The following C11orf65 variants were observed in gnomAD, a reference collection of about 807,000 sequenced individuals.
C11orf65 encodes chromosome 11 open reading frame 65.
In C11orf65, 38 loss-of-function variants were observed where a neutral mutation model predicts 35.3. The ratio of observed to expected loss-of-function variants is 1.08; its 90% confidence interval spans 0.83 to 1.41. The LOEUF (loss-of-function observed/expected upper bound fraction) is 1.41, where lower values mean the gene tolerates loss of function less well. Among genes scored for constraint, C11orf65 ranks in the 40% most tolerant of loss-of-function variants. C11orf65 has a pLI of 0.00. For synonymous variants in C11orf65, 105 were observed against 114.4 expected, an observed-to-expected ratio of 0.92 and a Z score of 0.53; for missense variants, 370 against 367.1, an observed-to-expected ratio of 1.01 and a Z score of -0.06.
chr11:108,315,863 A>T lies in C11orf65; in HGVS notation c.641-6792T>A, dbSNP rs587781302. 6.2e-7 allele frequency: 1 copy of T among 1,613,578 alleles called. No homozygotes were observed. Among genetic ancestry groups the T allele is most frequent in the African/African-American group, 1.3e-5 (1 of 75,032 alleles). The stretch of plus-strand genomic sequence containing the variant: ...ATCTACAGAAGTATAGGGGAGCCAG[A>T]TAGTTTGTATGGCTGTGGTGGAGGG... On this transcript the variant is annotated intron_variant, in intron 6 of 6. Transcript: ENST00000525729.
chr11:108,438,395 T>C (rs887636552), intron 2 of C11orf65, among the ~76,000 whole-genome samples: 5 of 150,996 alleles, frequency 3.3e-5, no homozygotes, highest in African/African-American at 1.2e-4. Flanking sequence ...CCACTAAAAA[T>C]ACAAAAATTA....
At chr11:108,405,148 G>A (rs1426793995) in intron 6 of C11orf65, among the ~76,000 whole-genome samples, 2 of 152,140 alleles carry the variant, frequency 1.3e-5, no homozygotes, top group Non-Finnish European at 2.9e-5. Context: ...TCAAACTTTT[G>A]TTAACTAATC....
chr11:108,338,923 T>C (rs1441307328), intron 2 of C11orf65, among the ~76,000 whole-genome samples: 2 of 152,072 alleles, frequency 1.3e-5, no homozygotes. Flanking sequence ...ATCTGTAGAG[T>C]CATTCCCAAT....
In C11orf65 at chr11:108,312,403, A is replaced by G. The variant is rs1176654682; in HGVS notation, c.641-3332T>C. 2.5e-6 allele frequency: 4 copies of G among 1,570,438 alleles called. No homozygotes were observed. Among genetic ancestry groups the G allele is most frequent in the East Asian group, 4.5e-5 (2 of 44,522 alleles). ...TCTCATTAAAAGAGGTGTTCTTGTG[A>G]CAAACAGAAGTCTTGCATTTGAAGA... On this transcript the variant is annotated intron_variant, in intron 6 of 6. Transcript: ENST00000525729.
At chr11:108,429,844 C>G (rs942202920) in intron 3 of C11orf65, among the ~76,000 whole-genome samples, 1 of 152,136 alleles carries the variant, frequency 6.6e-6, no homozygotes, top group African/African-American at 2.4e-5. Context: ...TAAACTATTA[C>G]ATGGGTGAAT....
intron 2 of C11orf65, chr11:108,366,535 C>T (rs2091341184): frequency 1.3e-5 from 3 of 228,586 alleles, no homozygotes. Flanking sequence ...CCAGTTTTGT[C>T]TTTTTGAAAA....
chr11:108,428,966 G>A (rs1376560475), intron 3 of C11orf65, among the ~76,000 whole-genome samples: 2 of 152,022 alleles, frequency 1.3e-5, no homozygotes, highest in Non-Finnish European at 1.5e-5. Context: ...GCGTAACCTA[G>A]GGAGATCCCA....
chr11:108,413,391 G>A (rs1472980850), intron 3 of C11orf65, among the ~76,000 whole-genome samples: 3 of 151,886 alleles, frequency 2.0e-5, no homozygotes, highest in Admixed American at 6.6e-5. Flanking sequence ...CACTCTCTAC[G>A]TTCATGTGTA....
chr11:108,324,318 C>T (rs1591122991), intron 6 of C11orf65, among the ~76,000 whole-genome samples: 2 of 152,226 alleles, frequency 1.3e-5, no homozygotes, highest in African/African-American at 2.4e-5. Flanking sequence ...AACCAATTTT[C>T]TGCAGATACA....
At chr11:108,374,935 G>T (rs1409233395) in intron 2 of C11orf65, among the ~76,000 whole-genome samples, 1 of 152,142 alleles carries the variant, frequency 6.6e-6, no homozygotes, top group Non-Finnish European at 1.5e-5. Context: ...GAAGTTTAGA[G>T]AAAAAAGAAT....
At chr11:108,402,546 G>A (rs1392072700) in intron 6 of C11orf65, among the ~76,000 whole-genome samples, 1 of 135,062 alleles carries the variant, frequency 7.4e-6, no homozygotes, top group Admixed American at 8.0e-5. Flanking sequence ...CTGATTTTCT[G>A]CACAGGTTTT....
At chr11:108,385,050 G>A (rs2091957297) in intron 8 of C11orf65, among the ~76,000 whole-genome samples, 1 of 152,116 alleles carries the variant, frequency 6.6e-6, no homozygotes, top group Non-Finnish European at 1.5e-5. Flanking sequence ...ATTTTGCCAA[G>A]TGAAGTCTGC....
At position 108,354,496 on chromosome 11, in the gene C11orf65, T is replaced by C. The variant is rs56135055; in HGVS notation, c.227-19204A>G. ...TGTACTCAACTTGGATTGGGGCAGA[T>C]TGCAGTCAGTGTAAACTAATAATTG... On this transcript the variant is annotated intron_variant, in intron 2 of 3. Coordinates refer to the C11orf65 transcript ENST00000524755. 8.7e-3 allele frequency among the ~76,000 whole-genome samples: 1,322 copies of C among 152,344 alleles called. 19 individuals are homozygous for C. Among genetic ancestry groups the C allele is most frequent in the African/African-American group, 0.03 (1,232 of 41,582 alleles).
chr11:108,325,915 C>A, intron 6 of C11orf65: 2 of 991,916 alleles, frequency 2.0e-6, no homozygotes, highest in Non-Finnish European at 3.0e-6. Context: ...AGATGTCATG[C>A]AGACAGAGAG....
chr11:108,318,866 G>T (rs1424660867), intron 6 of C11orf65, among the ~76,000 whole-genome samples: 1 of 151,826 alleles, frequency 6.6e-6, no homozygotes, highest in African/African-American at 2.4e-5. Flanking sequence ...AGTATGTTTT[G>T]TTGCCTTTGT....
intron 2 of C11orf65, among the ~76,000 whole-genome samples, chr11:108,363,814 G>A (rs1170169687): frequency 1.3e-5 from 2 of 152,120 alleles, no homozygotes; most frequent in Admixed American, 6.6e-5. Flanking sequence ...CCTGACACAA[G>A]CCCTTGGTTT....
chr11:108,469,307 A>G (rs145597250), upstream of C11orf65, among the ~76,000 whole-genome samples: 23 of 152,044 alleles, frequency 1.5e-4, no homozygotes, highest in East Asian at 3.1e-3. Flanking sequence ...AGAAGGATAA[A>G]TTTATGTATA....
At chr11:108,379,087 G>C (rs2091804553), downstream of C11orf65, among the ~76,000 whole-genome samples, 1 of 152,002 alleles carries the variant, frequency 6.6e-6, no homozygotes, top group Non-Finnish European at 1.5e-5. Context: ...CGGGGATCTA[G>C]AACTAGAAAT....
chr11:108,451,368 C>T (rs1250965578), intron 2 of C11orf65, among the ~76,000 whole-genome samples: 1 of 151,880 alleles, frequency 6.6e-6, no homozygotes, highest in Non-Finnish European at 1.5e-5. Flanking sequence ...CAATAACAGA[C>T]AAACAGAGAG....
Sources: allele counts gnomAD v4.1 joint callset (sites outside exome capture counted in the v4.1 genomes callset), GRCh38; gene constraint gnomAD v4.1.1; transcripts MANE v1.5; gene names NCBI Gene and HGNC (gene_info 2026-07-23, HGNC 2026-07-21).